The following LSP1 variants were observed in gnomAD, a reference collection of about 807,000 sequenced individuals.
LSP1 encodes lymphocyte specific protein 1.
A neutral mutation model predicts 49.3 loss-of-function variants in LSP1; 32 were observed. The observed-to-expected ratio is 0.65, with a 90% confidence interval of 0.49 to 0.87. LSP1 has a LOEUF of 0.87. LSP1 is among the 40% of genes least tolerant of loss of function. The probability of loss-of-function intolerance (pLI) is 0.00; values close to 1 mark genes in which losing one functional copy is unlikely to be tolerated. For synonymous variants in LSP1, 179 were observed against 178.8 expected, an observed-to-expected ratio of 1.00 and a Z score of -0.01; for missense variants, 428 against 442.6, an observed-to-expected ratio of 0.97 and a Z score of 0.30.
intron 1 of LSP1, among the ~76,000 whole-genome samples, chr11:1,874,540 C>T (rs1848227335): frequency 6.6e-6 from 1 of 152,078 alleles, no homozygotes; most frequent in Non-Finnish European, 1.5e-5. Context: ...CAGGGGAGGC[C>T]AGGTGGGGCG....
At chr11:1,863,885 C>T (rs923735978) in intron 1 of LSP1, among the ~76,000 whole-genome samples, 9 of 152,132 alleles carry the variant, frequency 5.9e-5, no homozygotes, top group Non-Finnish European at 1.3e-4. Context: ...CCTCTTGGGT[C>T]AACTCTGCAG....
chr11:1,881,909 G>A (rs1848564020), intron 3 of LSP1, among the ~76,000 whole-genome samples: 2 of 152,152 alleles, frequency 1.3e-5, no homozygotes, highest in African/African-American at 4.8e-5. Context: ...GCTCCCCAGG[G>A]CCCCTGGGCC....
chr11:1,872,344 CCA>C (rs1848067674), intron 1 of LSP1, among the ~76,000 whole-genome samples: 1 of 77,286 alleles, frequency 1.3e-5, no homozygotes, highest in Non-Finnish European at 2.5e-5. Flanking sequence ...TCACCCCAGC[CCA>C]TGCTGGTAGA....
chr11:1,876,747 A>C, intron 1 of LSP1: 4 of 508,504 alleles, frequency 7.9e-6, no homozygotes, highest in Non-Finnish European at 1.0e-5. Context: ...GAAGGAGAAG[A>C]AGGGCCAGCG....
chr11:1,889,388 C>G (rs1248099346), intron 10 of LSP1: 1 of 700,336 alleles, frequency 1.4e-6, no homozygotes, highest in Middle Eastern at 2.3e-4. Context: ...CATCCCACAT[C>G]CTGGAGGTCC....
At chr11:1,859,130 T>C (rs976883895) in intron 1 of LSP1, among the ~76,000 whole-genome samples, 1 of 152,144 alleles carries the variant, frequency 6.6e-6, no homozygotes, top group African/African-American at 2.4e-5. Context: ...GGTCACAGCA[T>C]GAAGGGTTCC....
intron 1 of LSP1, among the ~76,000 whole-genome samples, chr11:1,874,678 C>T (rs1410741179): frequency 1.3e-5 from 2 of 152,128 alleles, no homozygotes; most frequent in African/African-American, 2.4e-5. Flanking sequence ...TTGGCAGAGG[C>T]GACTCCCTCC....
chr11:1,890,379 A>G, intron 10 of LSP1: 1 of 716,790 alleles, frequency 1.4e-6, no homozygotes, highest in Non-Finnish European at 2.6e-6. Context: ...GGCCTCACTC[A>G]CGGGGGACAG....
rs1321055602 is a variant in LSP1, at chr11:1,884,794, A to G, written c.717+213A>G. On this transcript the variant is annotated intron_variant, in intron 7 of 10. Transcript: ENST00000311604. The surrounding 1 kb of genome is among the most constrained non-coding windows in gnomAD (Gnocchi z 4.1). ...CATGTAATCAATGCCCCCCCTTTCA[A>G]TCAATGCTACTCCATCCAACCAATA... 6.6e-6 allele frequency among the ~76,000 whole-genome samples: 1 copy of G among 151,582 alleles called. No individual in the cohort carries two copies.
chr11:1,877,518 A>C (rs1387473317), intron 1 of LSP1, among the ~76,000 whole-genome samples: 3 of 152,154 alleles, frequency 2.0e-5, no homozygotes, highest in Non-Finnish European at 2.9e-5. Flanking sequence ...CGATGTTCCC[A>C]GAGTACACAC....
At position 1,887,266 on chromosome 11, in the gene LSP1, A is replaced by G. The variant is rs1337946007; in HGVS notation, c.882A>G (p.Lys294=). The stretch of plus-strand genomic sequence containing the variant: ...TTGTGGCTGGAGACATGAGCAAGAA[A>G]AGCCTCTGGGAGCAGAAGGGAGGCT... The part of the protein sequence containing the change: ...KDIVAGDMSK[K]SLWEQKGGSK... Residue 294 remains lysine, a synonymous_variant, in exon 9 of 11, where the codon AAA becomes AAG. Transcript: ENST00000311604. The G allele has an allele frequency of 1.3e-6, 2 of 1,595,992 alleles. No individual in the cohort carries two copies. Among genetic ancestry groups the G allele is most frequent in the South Asian group, 2.2e-5 (2 of 89,246 alleles).
intron 1 of LSP1, among the ~76,000 whole-genome samples, chr11:1,877,312 T>A (rs4246954): frequency 6.6e-6 from 1 of 152,134 alleles, no homozygotes; most frequent in Non-Finnish European, 1.5e-5. Context: ...GGAGGAGACG[T>A]AGAAGGGGCC....
intron 7 of LSP1, among the ~76,000 whole-genome samples, chr11:1,885,964 C>A (rs916720544): frequency 6.6e-6 from 1 of 152,048 alleles, no homozygotes; most frequent in African/African-American, 2.4e-5. Flanking sequence ...AACCAACATC[C>A]TTCTATCCAA....
At chr11:1,881,154 C>T (rs546556892) in intron 2 of LSP1, 1 of 380,006 alleles carries the variant, frequency 2.6e-6, no homozygotes, top group Admixed American at 4.4e-5. Context: ...CAGGTAGCCC[C>T]AGGCTGATGG....
intron 1 of LSP1, among the ~76,000 whole-genome samples, chr11:1,858,618 T>C (rs1431735236): frequency 6.6e-6 from 1 of 152,202 alleles, no homozygotes; most frequent in Non-Finnish European, 1.5e-5. Flanking sequence ...CGAGGCTGTA[T>C]TGATACTTAG....
At chr11:1,858,647 G>C (rs374679745) in intron 1 of LSP1, among the ~76,000 whole-genome samples, 1 of 152,222 alleles carries the variant, frequency 6.6e-6, no homozygotes, top group African/African-American at 2.4e-5. Context: ...GAAGCGAGCG[G>C]GCTGGAGAGG....
intron 1 of LSP1, among the ~76,000 whole-genome samples, chr11:1,858,305 C>A (rs1340418183): frequency 6.6e-6 from 1 of 152,140 alleles, no homozygotes; most frequent in East Asian, 1.9e-4. Context: ...TCTCTCTGAC[C>A]CCACACCACA....
chr11:1,890,271 G>C, intron 10 of LSP1: 1 of 713,834 alleles, frequency 1.4e-6, no homozygotes, highest in Non-Finnish European at 2.6e-6. Flanking sequence ...CACCATGCGG[G>C]GAGCCTCGGC....
intron 1 of LSP1, among the ~76,000 whole-genome samples, chr11:1,872,154 G>T (rs1848050550): frequency 7.0e-6 from 1 of 143,068 alleles, no homozygotes; most frequent in Non-Finnish European, 1.5e-5. Context: ...AGTCACCCTG[G>T]TGCATGCTGG....
Sources: allele counts gnomAD v4.1 joint callset (sites outside exome capture counted in the v4.1 genomes callset), GRCh38; gene constraint gnomAD v4.1.1; non-coding constraint Gnocchi (gnomAD v3.1); transcripts MANE v1.5; gene names NCBI Gene and HGNC (gene_info 2026-07-23, HGNC 2026-07-21).